RAB3C: variants seen among roughly 807,000 people sequenced by gnomAD.
RAB3C encodes the protein ras-related protein Rab-3C.
A neutral mutation model predicts 26.4 loss-of-function variants in RAB3C; 17 were observed. That is an observed-to-expected ratio of 0.64 (90% CI 0.44 to 0.97). The LOEUF is 0.97. Ranked by LOEUF, RAB3C falls within the 50% of genes least tolerant of loss-of-function variation. RAB3C has a pLI of 0.00. For synonymous variants in RAB3C, 91 were observed against 95.9 expected (o/e 0.95, Z 0.30); for missense variants, 242 against 281.9 (o/e 0.86, Z 1.01).
intron 2 of RAB3C, among the ~76,000 whole-genome samples, chr5:58,623,631 G>A (rs974950036): frequency 3.3e-5 from 5 of 152,224 alleles, no homozygotes; most frequent in Admixed American, 2.0e-4. Flanking sequence ...GCAGCTGAAC[G>A]CAGGAGCTCC....
intron 3 of RAB3C, among the ~76,000 whole-genome samples, chr5:58,769,209 T>G (rs1179369926): frequency 6.6e-6 from 1 of 151,994 alleles, no homozygotes; most frequent in Non-Finnish European, 1.5e-5. Context: ...AAGGTAGAGA[T>G]AGCAGTGTGC....
chr5:58,715,610 A>G (rs899854893), intron 2 of RAB3C, among the ~76,000 whole-genome samples: 1 of 152,272 alleles, frequency 6.6e-6, no homozygotes, highest in Admixed American at 6.6e-5. Context: ...TAAATTCGAG[A>G]TATCTGTGTG....
intron 3 of RAB3C, among the ~76,000 whole-genome samples, chr5:58,728,512 T>G (rs1740936112): frequency 6.6e-6 from 1 of 152,072 alleles, no homozygotes; most frequent in African/African-American, 2.4e-5. Context: ...CTACAGGTGA[T>G]CCATCTTATT....
At chr5:58,637,022 A>T (rs1245456062) in intron 2 of RAB3C, among the ~76,000 whole-genome samples, 2 of 152,088 alleles carry the variant, frequency 1.3e-5, no homozygotes, top group Non-Finnish European at 2.9e-5. Flanking sequence ...TGTTAAATTC[A>T]CAATTAGTGG....
intron 4 of RAB3C, among the ~76,000 whole-genome samples, chr5:58,834,942 T>C (rs1298298060): frequency 6.6e-6 from 1 of 152,142 alleles, no homozygotes; most frequent in Non-Finnish European, 1.5e-5. Flanking sequence ...CCTCAGAAAC[T>C]GTCTGTTCCT....
rs1744142913 is a variant in RAB3C at position 58,852,853 on chromosome 5, A to G, written c.*1502A>G. On this transcript the variant is annotated 3_prime_UTR_variant, in exon 5 of 5. Transcript: ENST00000282878. ...TTTCTACTTTTTTGGTGGTTATGTC[A>G]AAGAATTTTTTTCCTCTTCTCAAAA... The G allele has an allele frequency of 7.3e-6, 1 of 137,520 alleles. No individual in the cohort carries two copies. The highest frequency in any genetic ancestry group is 2.0e-4 in the East Asian group (1 of 4,908). 8.5% of individuals were successfully genotyped at this position (137,520 alleles called of 1,614,324 possible). A position where few individuals can be genotyped will look rare whatever the true frequency, so the allele number is the denominator to read the frequency against.
chr5:58,781,733 C>T (rs770592616), intron 3 of RAB3C, among the ~76,000 whole-genome samples: 6 of 152,004 alleles, frequency 3.9e-5, no homozygotes, highest in Non-Finnish European at 8.8e-5. Flanking sequence ...AATCTGGACT[C>T]AACCTACACT....
chr5:58,676,071 A>C (rs1269016852), intron 2 of RAB3C, among the ~76,000 whole-genome samples: 1 of 152,126 alleles, frequency 6.6e-6, no homozygotes, highest in Non-Finnish European at 1.5e-5. Context: ...TCGAAGAAAA[A>C]GTCCCTGTAT....
intron 2 of RAB3C, among the ~76,000 whole-genome samples, chr5:58,625,650 A>T (rs1747036027): frequency 6.6e-6 from 1 of 152,042 alleles, no homozygotes; most frequent in African/African-American, 2.4e-5. Context: ...CGAGGTCAGG[A>T]GTTTGAGACC....
At chr5:58,664,346 T>A (rs1344832252) in intron 2 of RAB3C, among the ~76,000 whole-genome samples, 1 of 152,218 alleles carries the variant, frequency 6.6e-6, no homozygotes, top group Non-Finnish European at 1.5e-5. Flanking sequence ...CAGGGAATTA[T>A]GCTGAGTGAA....
At position 58,856,009 on chromosome 5, in the gene RAB3C, A is replaced by G. The variant is rs753022695; in HGVS notation, c.*4658A>G. 1 of 152,130 alleles carries G rather than the reference A, an allele frequency of 6.6e-6. No homozygotes were observed. Among genetic ancestry groups the G allele is most frequent in the Middle Eastern group, 3.2e-3 (1 of 316 alleles). 9.4% of individuals were successfully genotyped at this position (152,130 alleles called of 1,614,324 possible). On this transcript the variant is annotated 3_prime_UTR_variant, in exon 5 of 5. Transcript: ENST00000282878. ...GATAGATTGAAATATTTGCTTTTAG[A>G]TTACACATACAGTGCTGCCCTTCTC...
intron 2 of RAB3C, among the ~76,000 whole-genome samples, chr5:58,637,513 T>A (rs1747314750): frequency 6.6e-6 from 1 of 152,154 alleles, no homozygotes; most frequent in African/African-American, 2.4e-5. Flanking sequence ...ATAGACAGGA[T>A]TTAGAGAAAC....
chr5:58,697,955 G>A lies in RAB3C; in HGVS notation c.253-28047G>A, dbSNP rs141646537. Among the ~76,000 whole-genome samples the A allele has an allele frequency of 4.7e-4, 72 of 152,148 alleles. 1 individual carries two copies. Among genetic ancestry groups the A allele is most frequent in the East Asian group, 2.7e-3 (14 of 5,172 alleles). Reference sequence around the variant, plus strand: ...AATATTGTTATATGTGAATTTGATCGTGTCATTATGATGTTAGCTGGTTAT... The same window carrying A: ...AATATTGTTATATGTGAATTTGATCATGTCATTATGATGTTAGCTGGTTAT... On this transcript the variant is annotated intron_variant, in intron 2 of 4. Coordinates refer to ENST00000282878, the MANE Select transcript of RAB3C (RefSeq NM_138453.4).
At chr5:58,769,257 T>C (rs1238402867) in intron 3 of RAB3C, among the ~76,000 whole-genome samples, 3 of 151,962 alleles carry the variant, frequency 2.0e-5, no homozygotes, top group Non-Finnish European at 4.4e-5. Context: ...GAAATTTCCA[T>C]TGGATGTCCA....
At chr5:58,671,952 A>G (rs540122480) in intron 2 of RAB3C, among the ~76,000 whole-genome samples, 1 of 152,292 alleles carries the variant, frequency 6.6e-6, no homozygotes, top group East Asian at 1.9e-4. Flanking sequence ...TAGAAAAAAA[A>G]CTTTAATTTT....
At chr5:58,623,495 A>G (rs749260972) in intron 2 of RAB3C, among the ~76,000 whole-genome samples, 10 of 152,304 alleles carry the variant, frequency 6.6e-5, no homozygotes, top group Non-Finnish European at 1.2e-4. Context: ...CCCCCATCAC[A>G]TTTCTTCTAA....
At chr5:58,801,744 T>G (rs1255316703) in intron 3 of RAB3C, among the ~76,000 whole-genome samples, 1 of 152,266 alleles carries the variant, frequency 6.6e-6, no homozygotes, top group Non-Finnish European at 1.5e-5. Flanking sequence ...CTTGAAATGT[T>G]GCAATGTAAA....
At chr5:58,611,814 A>T (rs1387069140) in intron 1 of RAB3C, among the ~76,000 whole-genome samples, 3 of 152,106 alleles carry the variant, frequency 2.0e-5, no homozygotes, top group Non-Finnish European at 4.4e-5. Context: ...GCCTGCTCCT[A>T]TGTCAATAAT....
chr5:58,753,416 A>G (rs942294287), intron 3 of RAB3C, among the ~76,000 whole-genome samples: 8 of 152,206 alleles, frequency 5.3e-5, no homozygotes, highest in African/African-American at 1.7e-4. Context: ...CCTCATTTAT[A>G]AATACATAAG....
Sources: gnomAD v4.1 joint callset for allele counts (sites outside exome capture counted in the v4.1 genomes callset) on GRCh38, gnomAD v4.1.1 for gene constraint, MANE v1.5 for transcripts, NCBI Gene and HGNC (gene_info 2026-07-23, HGNC 2026-07-21) for gene names.